The following AFF1 variants were observed in gnomAD, a reference collection of about 807,000 sequenced individuals.
The protein encoded by AFF1 is AF4/FMR2 family member 1.
A neutral mutation model predicts 121.7 loss-of-function variants in AFF1; 48 were observed. That is an observed-to-expected ratio of 0.39 (90% CI 0.31 to 0.50). The LOEUF (loss-of-function observed/expected upper bound fraction) is 0.50, where lower values mean the gene tolerates loss of function less well. AFF1 is among the 20% of genes least tolerant of loss of function. The pLI is 0.76. For synonymous variants in AFF1, 613 were observed against 563.0 expected, an observed-to-expected ratio of 1.09 and a Z score of -1.26; for missense variants, 1,523 against 1,511.7, an observed-to-expected ratio of 1.01 and a Z score of -0.12.
At chr4:86,945,429 A>G (rs1247320574) in intron 1 of AFF1, among the ~76,000 whole-genome samples, 2 of 131,940 alleles carry the variant, frequency 1.5e-5, no homozygotes, top group African/African-American at 6.1e-5. Flanking sequence ...GGTTCAAGCT[A>G]CCCTCTCACC....
chr4:86,956,850 T>G (rs911195876), intron 2 of AFF1, among the ~76,000 whole-genome samples: 2 of 152,230 alleles, frequency 1.3e-5, no homozygotes, highest in Non-Finnish European at 2.9e-5. Flanking sequence ...CACTTTTTTG[T>G]TTTTATGAGC....
chr4:87,054,599 T>C (rs1259090314), intron 4 of AFF1, among the ~76,000 whole-genome samples: 1 of 152,220 alleles, frequency 6.6e-6, no homozygotes, highest in Admixed American at 6.5e-5. Flanking sequence ...CTACATGACC[T>C]AAATGTGTTA....
intron 2 of AFF1, among the ~76,000 whole-genome samples, chr4:87,030,469 A>G (rs1002759269): frequency 6.6e-6 from 1 of 152,196 alleles, no homozygotes; most frequent in African/African-American, 2.4e-5. Context: ...TTGAAATTTA[A>G]AGATTGGCCA....
At chr4:87,069,088 C>T (rs1358075138) in intron 4 of AFF1, among the ~76,000 whole-genome samples, 1 of 151,876 alleles carries the variant, frequency 6.6e-6, no homozygotes, top group Non-Finnish European at 1.5e-5. Flanking sequence ...TTTTCTTTTG[C>T]CCCCCTGTGT....
intron 2 of AFF1, among the ~76,000 whole-genome samples, chr4:87,031,223 C>G (rs1729049601): frequency 6.6e-6 from 1 of 152,140 alleles, no homozygotes; most frequent in Non-Finnish European, 1.5e-5. Flanking sequence ...TGCAAACACC[C>G]TATGGTGAAT....
At chr4:86,949,631 G>C in intron 2 of AFF1, 1 of 1,478,062 alleles carries the variant, frequency 6.8e-7, no homozygotes, top group Non-Finnish European at 9.2e-7. Flanking sequence ...GAATGCCACC[G>C]GGTTGAGGGG....
intron 2 of AFF1, among the ~76,000 whole-genome samples, chr4:86,958,570 T>A (rs1362673672): frequency 1.3e-5 from 2 of 151,696 alleles, no homozygotes; most frequent in African/African-American, 4.8e-5. Context: ...AATAAAAAAT[T>A]AGCCGGGTGT....
chr4:86,998,122 A>C (rs201651175), intron 2 of AFF1, among the ~76,000 whole-genome samples: 26,561 of 138,636 alleles, frequency 0.19, 2,780 homozygotes, highest in East Asian at 0.29. Context: ...AAAAAAAAAA[A>C]AAAAACAAGA....
At chr4:86,954,469 C>A (rs1161732455) in intron 2 of AFF1, among the ~76,000 whole-genome samples, 1 of 152,144 alleles carries the variant, frequency 6.6e-6, no homozygotes, top group African/African-American at 2.4e-5. Flanking sequence ...TGCCTGTAAT[C>A]CCAGCACTTT....
chr4:87,023,896 TGGA>T (rs1246659169), intron 2 of AFF1, among the ~76,000 whole-genome samples: 1 of 152,172 alleles, frequency 6.6e-6, no homozygotes, highest in African/African-American at 2.4e-5. Context: ...TAAGATTACT[TGGA>T]GGAGACTGGA....
chr4:87,084,651 C>T (rs895356028), intron 5 of AFF1, among the ~76,000 whole-genome samples: 2 of 151,976 alleles, frequency 1.3e-5, no homozygotes, highest in Admixed American at 1.3e-4. Flanking sequence ...ACCATTTCTC[C>T]CCCACTCATC....
intron 2 of AFF1, among the ~76,000 whole-genome samples, chr4:86,967,330 A>C (rs941126978): frequency 6.6e-6 from 1 of 152,168 alleles, no homozygotes; most frequent in African/African-American, 2.4e-5. Flanking sequence ...GAAAAAACAA[A>C]ACAGAAGTAA....
chr4:87,063,122 A>G (rs1181392407), intron 4 of AFF1, among the ~76,000 whole-genome samples: 8 of 151,302 alleles, frequency 5.3e-5, no homozygotes, highest in African/African-American at 1.7e-4. Flanking sequence ...AAACCTTTAT[A>G]TCGATGTCTG....
intron 2 of AFF1, among the ~76,000 whole-genome samples, chr4:86,976,813 T>G (rs1723337766): frequency 6.6e-6 from 1 of 152,216 alleles, no homozygotes; most frequent in African/African-American, 2.4e-5. Flanking sequence ...CCTACCTCGG[T>G]GTCTCACATG....
chr4:87,112,631 T>C (rs187798868), intron 11 of AFF1, among the ~76,000 whole-genome samples: 3 of 152,214 alleles, frequency 2.0e-5, no homozygotes, highest in South Asian at 4.1e-4. Flanking sequence ...ATTTCCATGT[T>C]TTATGGAGTT....
intron 2 of AFF1, among the ~76,000 whole-genome samples, chr4:86,960,544 A>G (rs899506534): frequency 6.6e-6 from 1 of 152,220 alleles, no homozygotes; most frequent in Admixed American, 6.5e-5. Context: ...GAGTTTAAAG[A>G]TAGTATTTCT....
At chr4:86,979,429 C>T (rs1426588465) in intron 2 of AFF1, among the ~76,000 whole-genome samples, 1 of 152,122 alleles carries the variant, frequency 6.6e-6, no homozygotes, top group Non-Finnish European at 1.5e-5. Flanking sequence ...CTGGGAAGCT[C>T]CTGCTGTAGC....
At chr4:87,046,624 A>G (rs1730718843) in intron 3 of AFF1, 71 bp from the exon 4 acceptor site, 1 of 1,460,972 alleles carries the variant, frequency 6.8e-7, no homozygotes, top group Admixed American at 2.1e-5. Flanking sequence ...TAATAGTATT[A>G]TATAACGTGG....
At chr4:87,038,271 T>C (rs375506404) in intron 2 of AFF1, among the ~76,000 whole-genome samples, 5 of 152,218 alleles carry the variant, frequency 3.3e-5, no homozygotes, top group African/African-American at 1.2e-4. Flanking sequence ...ATTTTTATTA[T>C]GAGAAAGTCT....
Sources: gnomAD v4.1 joint callset for allele counts (sites outside exome capture counted in the v4.1 genomes callset) on GRCh38, gnomAD v4.1.1 for gene constraint, MANE v1.5 for transcripts, NCBI Gene and HGNC (gene_info 2026-07-23, HGNC 2026-07-21) for gene names.